Variants in CNKSR3 observed in about 807,000 individuals in gnomAD.
CNKSR3 encodes CNKSR family member 3.
CNKSR3 carries 36 observed loss-of-function variants against 67.7 expected under a neutral mutation model. That is an observed-to-expected ratio of 0.53 (90% CI 0.41 to 0.70). CNKSR3 has a LOEUF of 0.70. Among genes scored for constraint, CNKSR3 ranks in the 30% least tolerant of loss-of-function variants. CNKSR3 has a pLI of 0.00. For synonymous variants in CNKSR3, 281 were observed against 271.4 expected, an observed-to-expected ratio of 1.04 and a Z score of -0.35; for missense variants, 630 against 695.2, an observed-to-expected ratio of 0.91 and a Z score of 1.05.
At chr6:154,456,707 C>CAAA (rs10536163) in intron 1 of CNKSR3, among the ~76,000 whole-genome samples, 1 of 45,392 alleles carries the variant, frequency 2.2e-5, no homozygotes, top group African/African-American at 8.5e-5. Flanking sequence ...AACTCTGTCT[C>CAAA]AAAAAAAAAA....
At chr6:154,472,164 T>C (rs1055306705) in intron 1 of CNKSR3, among the ~76,000 whole-genome samples, 2 of 152,076 alleles carry the variant, frequency 1.3e-5, no homozygotes, top group African/African-American at 4.8e-5. Context: ...TGGCCCCAAG[T>C]ATAATTTAAA....
chr6:154,454,822 G>T (rs1785917099), intron 1 of CNKSR3, among the ~76,000 whole-genome samples: 1 of 147,742 alleles, frequency 6.8e-6, no homozygotes, highest in Non-Finnish European at 1.5e-5. Flanking sequence ...ATACCTGGCA[G>T]AAAAAAAAAA....
At chr6:154,422,412 A>C (rs1473903005) in intron 9 of CNKSR3, 94 bp downstream of exon 9, 1 of 1,262,584 alleles carries the variant, frequency 7.9e-7, no homozygotes, top group Non-Finnish European at 1.1e-6. Flanking sequence ...TCCTGAAACC[A>C]ATCAATCACC....
chr6:154,459,091 GAAAAAGAAAGAGAGAA>G (rs1249696195), intron 1 of CNKSR3, among the ~76,000 whole-genome samples: 1 of 134,490 alleles, frequency 7.4e-6, no homozygotes, highest in African/African-American at 2.8e-5. Flanking sequence ...AGAGAAAGAA[GAAAAAGAAAGAGAGAA>G]AGAAAGAAAG....
At chr6:154,474,429 G>GGC (rs1786400725) in intron 1 of CNKSR3, among the ~76,000 whole-genome samples, 1 of 151,650 alleles carries the variant, frequency 6.6e-6, no homozygotes, top group African/African-American at 2.4e-5. Context: ...AAAAAAGTGG[G>GGC]GGGGGGCAAT....
chr6:154,390,798 C>CTTTTTTTT lies in CNKSR3; in HGVS notation c.*15548_*15555dup, dbSNP rs71021052. ...TCAGCAGCACTGGTTTCTTCTGAGG[C>CTTTTTTTT]TTTTTTTTTTTTTTTTTTTTGAGAT... On this transcript the variant is annotated 3_prime_UTR_variant, in exon 13 of 13. Coordinates refer to ENST00000607772, the MANE Select transcript of CNKSR3 (RefSeq NM_173515.4). The CTTTTTTTT allele has an allele frequency of 1.9e-5, 2 of 103,068 alleles. No homozygotes were observed. Among genetic ancestry groups the CTTTTTTTT allele is most frequent in the African/African-American group, 3.8e-5 (1 of 26,662 alleles). The allele number at this position is 103,068 out of a possible 1,614,324, so 6.4% of individuals were successfully genotyped here. A position where few individuals can be genotyped will look rare whatever the true frequency, so the allele number is the denominator to read the frequency against.
At chr6:154,457,932 G>A (rs1311495686) in intron 1 of CNKSR3, among the ~76,000 whole-genome samples, 1 of 152,160 alleles carries the variant, frequency 6.6e-6, no homozygotes, top group East Asian at 1.9e-4. Context: ...GTAAGCACCT[G>A]TTCTGCTGAG....
intron 1 of CNKSR3, among the ~76,000 whole-genome samples, chr6:154,456,839 A>G (rs141552909): frequency 2.0e-5 from 3 of 152,176 alleles, no homozygotes; most frequent in African/African-American, 4.8e-5. Context: ...TAATTCAACA[A>G]ACTTTAGGAA....
intron 1 of CNKSR3, among the ~76,000 whole-genome samples, chr6:154,455,433 A>G (rs957904814): frequency 2.0e-5 from 3 of 152,200 alleles, no homozygotes; most frequent in Non-Finnish European, 4.4e-5. Flanking sequence ...AGAGCTCCAC[A>G]TAAATATTAA....
chr6:154,413,139 TAC>T (rs60788837), intron 10 of CNKSR3, among the ~76,000 whole-genome samples: 3,094 of 144,924 alleles, frequency 0.021, 38 homozygotes, highest in Middle Eastern at 0.066. Flanking sequence ...GAATTTATGG[TAC>T]ACACACACAC....
intron 9 of CNKSR3, among the ~76,000 whole-genome samples, chr6:154,420,196 A>G (rs9478539): frequency 0.13 from 20,375 of 151,380 alleles, 1,528 homozygotes; most frequent in East Asian, 0.24. Flanking sequence ...GTAGACAAAT[A>G]CCACATGATC....
At chr6:154,481,278 G>A (rs1334522503) in intron 1 of CNKSR3, among the ~76,000 whole-genome samples, 2 of 151,016 alleles carry the variant, frequency 1.3e-5, no homozygotes, top group Non-Finnish European at 2.9e-5. Context: ...TTTGATAGCA[G>A]TCTTATGCTT....
intron 1 of CNKSR3, among the ~76,000 whole-genome samples, chr6:154,486,183 T>C (rs948209782): frequency 1.3e-5 from 2 of 152,188 alleles, no homozygotes; most frequent in African/African-American, 4.8e-5. Flanking sequence ...CTCAGGTCTC[T>C]TTATGCTAGT....
intron 1 of CNKSR3, among the ~76,000 whole-genome samples, chr6:154,492,754 AAAAAC>A (rs1311278167): frequency 9.9e-5 from 15 of 150,908 alleles, no homozygotes; most frequent in African/African-American, 2.9e-4. Context: ...TCAAAAAAAA[AAAAAC>A]AAAAAACAAA....
At chr6:154,479,113 C>G (rs999532026) in intron 1 of CNKSR3, among the ~76,000 whole-genome samples, 2 of 151,998 alleles carry the variant, frequency 1.3e-5, no homozygotes, top group Non-Finnish European at 2.9e-5. Flanking sequence ...GCCTATACCC[C>G]CCCATCCTTA....
At chr6:154,423,341 G>A (rs557254389) in intron 7 of CNKSR3, among the ~76,000 whole-genome samples, 1 of 152,314 alleles carries the variant, frequency 6.6e-6, no homozygotes, top group Admixed American at 6.5e-5. Flanking sequence ...TCAGCTCACT[G>A]CAACCTCCAC....
At chr6:154,435,648 T>G (rs1785455645) in intron 4 of CNKSR3, among the ~76,000 whole-genome samples, 1 of 152,220 alleles carries the variant, frequency 6.6e-6, no homozygotes, top group Non-Finnish European at 1.5e-5. Flanking sequence ...TTTTTTGGCA[T>G]GAAGGCAATG....
intron 1 of CNKSR3, among the ~76,000 whole-genome samples, chr6:154,460,512 T>G (rs957280274): frequency 1.3e-5 from 2 of 152,184 alleles, no homozygotes; most frequent in Non-Finnish European, 2.9e-5. Flanking sequence ...CGCAATACTC[T>G]GGTAAACATG....
intron 9 of CNKSR3, among the ~76,000 whole-genome samples, chr6:154,416,035 C>G (rs1367081123): frequency 6.6e-6 from 1 of 152,098 alleles, no homozygotes; most frequent in Non-Finnish European, 1.5e-5. Context: ...AATCCCAACA[C>G]TTTGGGAGTC....
Sources: gnomAD v4.1 joint callset for allele counts (sites outside exome capture counted in the v4.1 genomes callset) on GRCh38, gnomAD v4.1.1 for gene constraint, MANE v1.5 for transcripts, NCBI Gene and HGNC (gene_info 2026-07-23, HGNC 2026-07-21) for gene names.